The following ADAMTSL1 variants were observed in gnomAD, a reference collection of about 807,000 sequenced individuals.
ADAMTSL1 encodes the protein ADAMTS-like protein 1.
A neutral mutation model predicts 201.8 loss-of-function variants in ADAMTSL1; 126 were observed. That is an observed-to-expected ratio of 0.62 (90% CI 0.54 to 0.72). The LOEUF is 0.72. ADAMTSL1 is among the 30% of genes least tolerant of loss of function. The pLI, the probability that ADAMTSL1 is intolerant of heterozygous loss-of-function variation, is 0.00. For missense variants in ADAMTSL1, 2,679 were observed against 2,277.8 expected (o/e 1.18, Z -3.59); for synonymous variants, 1,121 against 903.4 (o/e 1.24, Z -4.32).
intron 2 of ADAMTSL1, among the ~76,000 whole-genome samples, chr9:18,375,116 A>G (rs1837227960): frequency 6.6e-6 from 1 of 152,356 alleles, no homozygotes; most frequent in Admixed American, 6.5e-5. Flanking sequence ...AGAATGTGCC[A>G]GCCATAGTAC....
At chr9:17,922,366 T>C (rs1280699648) in intron 1 of ADAMTSL1, among the ~76,000 whole-genome samples, 1 of 152,152 alleles carries the variant, frequency 6.6e-6, no homozygotes, top group Non-Finnish European at 1.5e-5. Context: ...AAGTCAGTTG[T>C]GCTATGTTGC....
rs878973451 is a variant in ADAMTSL1, at chr9:18,346,749, G to A, written c.208-158080G>A. Among the ~76,000 whole-genome samples, 65 of 152,056 alleles carry A rather than the reference G, an allele frequency of 4.3e-4. 1 individual carries two copies. Among genetic ancestry groups the A allele is most frequent in the Admixed American group, 4.1e-3 (63 of 15,250 alleles). On this transcript the variant is annotated intron_variant, in intron 2 of 29. Coordinates refer to the ADAMTSL1 transcript ENST00000680146. ...TCTTTAGACGTTTTTGAAGTCACCC[G>A]CTAATTAACAAGAAAACAGAGGAAG...
At chr9:18,102,004 G>T (rs1453657338) in intron 1 of ADAMTSL1, among the ~76,000 whole-genome samples, 1 of 152,174 alleles carries the variant, frequency 6.6e-6, no homozygotes, top group Non-Finnish European at 1.5e-5. Flanking sequence ...TTTTCATTTA[G>T]CTCCCGTGTG....
intron 1 of ADAMTSL1, among the ~76,000 whole-genome samples, chr9:18,017,294 A>G (rs1051075469): frequency 2.0e-5 from 3 of 152,022 alleles, no homozygotes; most frequent in East Asian, 1.9e-4. Context: ...TGTTAGGTAC[A>G]TACTGAAGTT....
At chr9:18,908,337 C>T (rs1022481590) in intron 28 of ADAMTSL1, 105 bp from the exon 29 acceptor site, 10 of 929,024 alleles carry the variant, frequency 1.1e-5, no homozygotes, top group Middle Eastern at 3.1e-4. Context: ...AGGATGTACC[C>T]CAGTGGCTGA....
intron 1 of ADAMTSL1, among the ~76,000 whole-genome samples, chr9:18,055,953 G>A (rs1305125518): frequency 6.6e-6 from 1 of 152,120 alleles, no homozygotes; most frequent in South Asian, 2.1e-4. Flanking sequence ...TCATTAATTT[G>A]AATTGCTACT....
chr9:18,529,691 A>C (rs1250577327), intron 2 of ADAMTSL1, among the ~76,000 whole-genome samples: 1 of 152,190 alleles, frequency 6.6e-6, no homozygotes, highest in Non-Finnish European at 1.5e-5. Context: ...TTTCTGTTAT[A>C]GTTCACAATT....
chr9:17,988,690 C>T (rs1198518504), intron 1 of ADAMTSL1, among the ~76,000 whole-genome samples: 1 of 151,856 alleles, frequency 6.6e-6, no homozygotes, highest in Non-Finnish European at 1.5e-5. Flanking sequence ...TTTAACTTCT[C>T]CTCTGCTGAT....
intron 19 of ADAMTSL1, among the ~76,000 whole-genome samples, chr9:18,789,304 C>T (rs1821890102): frequency 6.6e-6 from 1 of 152,192 alleles, no homozygotes; most frequent in South Asian, 2.1e-4. Flanking sequence ...AGAACTCTCA[C>T]AACAACCCTA....
At chr9:18,830,582 C>A (rs1824912812) in intron 23 of ADAMTSL1, among the ~76,000 whole-genome samples, 1 of 152,098 alleles carries the variant, frequency 6.6e-6, no homozygotes, top group East Asian at 1.9e-4. Flanking sequence ...ATGGGTAGTG[C>A]CCTCTGGTAG....
chr9:18,783,903 G>T (rs1054372140), intron 19 of ADAMTSL1, among the ~76,000 whole-genome samples: 1 of 152,176 alleles, frequency 6.6e-6, no homozygotes, highest in Non-Finnish European at 1.5e-5. Context: ...CCATGCTACT[G>T]CCAGAGCATC....
intron 7 of ADAMTSL1, among the ~76,000 whole-genome samples, chr9:18,643,962 G>C (rs1041473394): frequency 1.3e-5 from 2 of 151,902 alleles, no homozygotes; most frequent in Admixed American, 6.6e-5. Flanking sequence ...TCTGTAGATA[G>C]TGTTGGGTAG....
At chr9:18,831,835 G>C (rs1186935097) in intron 23 of ADAMTSL1, among the ~76,000 whole-genome samples, 1 of 152,178 alleles carries the variant, frequency 6.6e-6, no homozygotes, top group East Asian at 1.9e-4. Flanking sequence ...ACATGGAATT[G>C]TGGAGATGAA....
intron 4 of ADAMTSL1, among the ~76,000 whole-genome samples, chr9:18,586,447 CACAA>C (rs1223538796): frequency 2.6e-5 from 4 of 151,936 alleles, no homozygotes; most frequent in Non-Finnish European, 4.4e-5. Flanking sequence ...TCAGAGATAA[CACAA>C]ACAAATGAAA....
At chr9:18,467,170 G>C (rs939056045) in intron 2 of ADAMTSL1, among the ~76,000 whole-genome samples, 1 of 152,154 alleles carries the variant, frequency 6.6e-6, no homozygotes, top group African/African-American at 2.4e-5. Context: ...TTGAAGAAGA[G>C]TGACACACTC....
chr9:18,821,682 A>G (rs1449379194), intron 21 of ADAMTSL1, among the ~76,000 whole-genome samples: 1 of 152,154 alleles, frequency 6.6e-6, no homozygotes, highest in Non-Finnish European at 1.5e-5. Context: ...AATAATTGAC[A>G]AGACTGACAG....
intron 1 of ADAMTSL1, among the ~76,000 whole-genome samples, chr9:17,940,183 T>C (rs1183962062): frequency 1.3e-5 from 2 of 152,148 alleles, no homozygotes; most frequent in African/African-American, 4.8e-5. Flanking sequence ...TGCTTTTGTT[T>C]GCATGTGTGT....
In ADAMTSL1 at chr9:18,892,515, C is replaced by T. The variant is rs1459418822; in HGVS notation, c.4770C>T (p.Thr1590=). The part of the protein sequence containing the change: ...ISTPVSNDMC[T]QVAKRPVDTQ... The stretch of plus-strand genomic sequence containing the variant: ...CCCCTGTGTCCAATGACATGTGCAC[C>T]CAGGTCGCCAAGCGGCCTGTGGACA... Residue 1590 remains threonine (T), a synonymous_variant, in exon 26 of 29, where the codon ACC becomes ACT. Transcript: ENST00000380548. 4 of 1,600,298 alleles carry T rather than the reference C, an allele frequency of 2.5e-6. No homozygotes were observed. The South Asian group carries it at 4.5e-5, about 18-fold the overall frequency.
intron 2 of ADAMTSL1, among the ~76,000 whole-genome samples, chr9:18,174,873 A>C (rs1258965780): frequency 6.6e-6 from 1 of 152,190 alleles, no homozygotes; most frequent in African/African-American, 2.4e-5. Context: ...GTTATTACCC[A>C]ATGGAAAGTT....
Sources: allele counts gnomAD v4.1 joint callset (sites outside exome capture counted in the v4.1 genomes callset), GRCh38; gene constraint gnomAD v4.1.1; transcripts MANE v1.5; gene names NCBI Gene and HGNC (gene_info 2026-07-23, HGNC 2026-07-21).